Variants in PDE10A observed in about 807,000 individuals in gnomAD.
The protein encoded by PDE10A is phosphodiesterase 10A.
Under a neutral mutation model 97.7 loss-of-function variants are expected in PDE10A, and 39 were observed. The ratio of observed to expected loss-of-function variants is 0.40; its 90% CI spans 0.31 to 0.52. The LOEUF (loss-of-function observed/expected upper bound fraction) is 0.52, where lower values mean the gene tolerates loss of function less well. PDE10A is among the 20% of genes least tolerant of loss of function. PDE10A has a pLI of 0.56. For missense variants in PDE10A, 731 were observed against 1,047.8 expected, an observed-to-expected ratio of 0.70 and a Z score of 4.17; for synonymous variants, 371 against 376.8, an observed-to-expected ratio of 0.98 and a Z score of 0.18.
chr6:165,493,462 C>G (rs1027022751), intron 2 of PDE10A, among the ~76,000 whole-genome samples: 3 of 152,120 alleles, frequency 2.0e-5, no homozygotes, highest in African/African-American at 7.2e-5. Context: ...GTCCTCAAAA[C>G]AGCATGGTAC....
chr6:165,487,334 C>T (rs1025110972), intron 2 of PDE10A, among the ~76,000 whole-genome samples: 5 of 152,136 alleles, frequency 3.3e-5, no homozygotes, highest in African/African-American at 1.2e-4. Flanking sequence ...AAGTGACACA[C>T]TTCAGGTGTC....
intron 2 of PDE10A, among the ~76,000 whole-genome samples, chr6:165,534,528 A>T (rs1297646862): frequency 1.3e-5 from 2 of 152,112 alleles, no homozygotes; most frequent in African/African-American, 4.8e-5. Flanking sequence ...ATCACTAATG[A>T]ACATGATGAA....
intron 1 of PDE10A, among the ~76,000 whole-genome samples, chr6:165,545,704 A>G (rs774697410): frequency 7.2e-5 from 11 of 152,118 alleles, no homozygotes; most frequent in Non-Finnish European, 1.5e-4. Flanking sequence ...TTAAAACAAA[A>G]ATGAGATTCT....
chr6:165,876,912 G>A (rs922818893), intron 1 of PDE10A, among the ~76,000 whole-genome samples: 2 of 152,188 alleles, frequency 1.3e-5, no homozygotes, highest in Admixed American at 6.5e-5. Flanking sequence ...AACAAATTCC[G>A]ACTGAAATGC....
At chr6:165,344,699 C>A (rs930512356) in intron 18 of PDE10A, among the ~76,000 whole-genome samples, 1 of 152,182 alleles carries the variant, frequency 6.6e-6, no homozygotes, top group Non-Finnish European at 1.5e-5. Context: ...TCTTATGATA[C>A]CATCGATCAC....
intron 1 of PDE10A, among the ~76,000 whole-genome samples, chr6:165,906,646 C>G (rs1053838646): frequency 1.3e-5 from 2 of 152,172 alleles, no homozygotes; most frequent in African/African-American, 4.8e-5. Flanking sequence ...GGAAGGGGTC[C>G]TCTGGCAGGT....
At chr6:165,954,658 C>T (rs767656135) in intron 1 of PDE10A, among the ~76,000 whole-genome samples, 19 of 152,146 alleles carry the variant, frequency 1.2e-4, no homozygotes, top group South Asian at 2.1e-4. Context: ...ATCTTGGCTG[C>T]GCCTCAGTTG....
At chr6:165,544,996 C>T (rs567926366) in intron 1 of PDE10A, among the ~76,000 whole-genome samples, 1 of 152,154 alleles carries the variant, frequency 6.6e-6, no homozygotes, top group Admixed American at 6.5e-5. Flanking sequence ...AAGTGCTCTC[C>T]TGGCACAGCA....
intron 1 of PDE10A, among the ~76,000 whole-genome samples, chr6:165,568,881 A>T (rs1457580361): frequency 1.3e-5 from 2 of 152,208 alleles, no homozygotes; most frequent in East Asian, 3.8e-4. Context: ...TGGTGAGAAA[A>T]TTAAAAAGAC....
At chr6:165,592,828 G>A (rs1562611327) in intron 1 of PDE10A, among the ~76,000 whole-genome samples, 1 of 152,186 alleles carries the variant, frequency 6.6e-6, no homozygotes, top group Non-Finnish European at 1.5e-5. Flanking sequence ...TGGAGAAATA[G>A]GAACACTTTT....
chr6:165,719,842 A>T (rs1792121349), intron 1 of PDE10A, among the ~76,000 whole-genome samples: 1 of 152,266 alleles, frequency 6.6e-6, no homozygotes, highest in Admixed American at 6.5e-5. Flanking sequence ...CAGGGAAAAG[A>T]CAAGTTGTAC....
chr6:165,518,929 G>C (rs1781977559), intron 2 of PDE10A, among the ~76,000 whole-genome samples: 1 of 152,130 alleles, frequency 6.6e-6, no homozygotes, highest in Non-Finnish European at 1.5e-5. Flanking sequence ...ATTATCAGTG[G>C]TTTCAGGCAT....
intron 1 of PDE10A, among the ~76,000 whole-genome samples, chr6:165,742,752 A>C (rs888326573): frequency 3.3e-5 from 5 of 151,960 alleles, no homozygotes; most frequent in Non-Finnish European, 4.4e-5. Flanking sequence ...GCATCCATCC[A>C]TCCATCACTG....
At chr6:165,634,181 T>C (rs2128416439) in intron 1 of PDE10A, among the ~76,000 whole-genome samples, 1 of 152,254 alleles carries the variant, frequency 6.6e-6, no homozygotes, top group South Asian at 2.1e-4. Context: ...GCTTTGAGAA[T>C]CAATGCCTCC....
chr6:165,385,225 A>C (rs528589030), intron 17 of PDE10A, among the ~76,000 whole-genome samples: 1 of 152,216 alleles, frequency 6.6e-6, no homozygotes, highest in South Asian at 2.1e-4. Context: ...GAAGGGAAAA[A>C]TGATGACTCT....
At chr6:165,547,382 C>G (rs531265763) in intron 1 of PDE10A, among the ~76,000 whole-genome samples, 1 of 152,166 alleles carries the variant, frequency 6.6e-6, no homozygotes, top group African/African-American at 2.4e-5. Context: ...TTATGAAGAG[C>G]TGATGAATTT....
At position 165,712,622 on chromosome 6, in the gene PDE10A, ACTTT is replaced by A. The variant is rs1301087566; in HGVS notation, c.-614-169058_-614-169055del. Among the ~76,000 whole-genome samples, 466 of 140,640 alleles carry A rather than the reference ACTTT, an allele frequency of 3.3e-3. 3 individuals are homozygous for A. The highest frequency in any genetic ancestry group is 5.2e-3 in the Non-Finnish European group (342 of 65,932). 92.3% of individuals were successfully genotyped at this position (140,640 alleles called of 152,430 possible). A position where few individuals can be genotyped will look rare whatever the true frequency, so the allele number is the denominator to read the frequency against. ...ATGCCAAAGCATGAGGAACGTTTCA[ACTTT>A]CTTTCTTTTTTTTTTTTTTTTTTTT... is the stretch of plus-strand genomic sequence containing the variant. On this transcript the variant is annotated intron_variant, in intron 1 of 19. Coordinates refer to the PDE10A transcript ENST00000366882.
rs1468743472 is a variant in PDE10A, at chr6:165,416,573, G to GCA, written c.1797-294_1797-293dup. The stretch of plus-strand genomic sequence containing the variant: ...AATAATAATCCCTTCTATTTGCGAA[G>GCA]CACCTTATAATTTACAAGACGCTTC... On this transcript the variant is annotated intron_variant, in intron 11 of 21. Coordinates refer to ENST00000539869, the MANE Select transcript of PDE10A (RefSeq NM_001385079.1). Among the ~76,000 whole-genome samples, 6 of 152,096 alleles carry GCA rather than the reference G, an allele frequency of 3.9e-5. No homozygotes were observed. In the East Asian group the frequency reaches 1.2e-3, roughly 29 times the overall value.
intron 1 of PDE10A, among the ~76,000 whole-genome samples, chr6:165,792,792 G>C (rs993954781): frequency 6.6e-6 from 1 of 152,230 alleles, no homozygotes; most frequent in East Asian, 1.9e-4. Context: ...ACGGTTAAAA[G>C]GTTTGTAAGT....
Sources: gnomAD v4.1 joint callset for allele counts (sites outside exome capture counted in the v4.1 genomes callset) on GRCh38, gnomAD v4.1.1 for gene constraint, MANE v1.5 for transcripts, NCBI Gene and HGNC (gene_info 2026-07-23, HGNC 2026-07-21) for gene names.